The following RBM47 variants were observed in gnomAD, a reference collection of about 807,000 sequenced individuals.
The protein encoded by RBM47 is RNA-binding protein 47.
Under a neutral mutation model 47.1 loss-of-function variants are expected in RBM47, and 21 were observed. That is an observed-to-expected ratio of 0.45 (90% CI 0.32 to 0.64). RBM47 has a LOEUF of 0.64. Ranked by LOEUF, RBM47 falls within the 30% of genes least tolerant of loss-of-function variation. RBM47 has a pLI of 0.05. For synonymous variants in RBM47, 375 were observed against 361.7 expected, an observed-to-expected ratio of 1.04 and a Z score of -0.42; for missense variants, 708 against 870.9, an observed-to-expected ratio of 0.81 and a Z score of 2.35.
intron 2 of RBM47, among the ~76,000 whole-genome samples, chr4:40,474,371 C>G (rs778370688): frequency 1.7e-4 from 26 of 152,156 alleles, no homozygotes; most frequent in Non-Finnish European, 2.9e-4. Context: ...ACCTCCCCCA[C>G]AGAGTCATCC....
intron 3 of RBM47, among the ~76,000 whole-genome samples, chr4:40,452,760 G>A (rs1350137598): frequency 6.6e-6 from 1 of 150,560 alleles, no homozygotes; most frequent in Non-Finnish European, 1.5e-5. Flanking sequence ...TCTCTTCTTG[G>A]TTATCATAAA....
chr4:40,514,981 C>T (rs780093589), intron 2 of RBM47, among the ~76,000 whole-genome samples: 20 of 152,184 alleles, frequency 1.3e-4, no homozygotes, highest in Admixed American at 1.0e-3. Context: ...AATATGTAGA[C>T]GCAGTAGCAT....
intron 6 of RBM47, chr4:40,427,328 T>A: frequency 6.6e-6 from 1 of 152,176 alleles, no homozygotes; most frequent in East Asian, 1.9e-4. Flanking sequence ...AGTTTCCAAA[T>A]GAGGAAGAAG....
chr4:40,518,279 C>T (rs1344048393), intron 2 of RBM47, among the ~76,000 whole-genome samples: 2 of 140,596 alleles, frequency 1.4e-5, no homozygotes, highest in Non-Finnish European at 3.0e-5. Flanking sequence ...CGGGTTCAAG[C>T]AATTCTCCTG....
chr4:40,573,807 A>AAAGAAAGAAAAAGAAAGAAAG (rs148001440), intron 1 of RBM47, among the ~76,000 whole-genome samples: 1 of 136,662 alleles, frequency 7.3e-6, no homozygotes, highest in Non-Finnish European at 1.5e-5. Flanking sequence ...GAAAGAAAGA[A>AAAGAAAGAAAAAGAAAGAAAG]AAAGAAAGAA....
chr4:40,591,690 T>A (rs894039234), intron 1 of RBM47, among the ~76,000 whole-genome samples: 28 of 152,058 alleles, frequency 1.8e-4, no homozygotes, highest in Non-Finnish European at 2.9e-5. Flanking sequence ...CAAGACTTCA[T>A]CTCAAAAGGA....
chr4:40,531,372 G>A (rs1018149154), intron 2 of RBM47, among the ~76,000 whole-genome samples: 1 of 151,968 alleles, frequency 6.6e-6, no homozygotes, highest in Non-Finnish European at 1.5e-5. Context: ...GAGTAGCTGC[G>A]AAGGAGCTGA....
chr4:40,556,264 G>A (rs1350770688), intron 1 of RBM47, among the ~76,000 whole-genome samples: 1 of 151,938 alleles, frequency 6.6e-6, no homozygotes, highest in Non-Finnish European at 1.5e-5. Flanking sequence ...TCCATCTCCT[G>A]ACCTCAGGTG....
intron 1 of RBM47, among the ~76,000 whole-genome samples, chr4:40,601,098 T>A (rs913625981): frequency 6.6e-6 from 1 of 151,816 alleles, no homozygotes; most frequent in Non-Finnish European, 1.5e-5. Context: ...ACCGTAAGAA[T>A]TCAAGGCCAG....
intron 2 of RBM47, among the ~76,000 whole-genome samples, chr4:40,498,670 CA>C (rs910303039): frequency 0.19 from 11,734 of 62,730 alleles, 273 homozygotes; most frequent in East Asian, 0.26. Flanking sequence ...GACTCCATCT[CA>C]AAAAAAAAAA....
chr4:40,568,428 C>CAAAAAAAAAA (rs35434439), intron 1 of RBM47, among the ~76,000 whole-genome samples: 2 of 57,574 alleles, frequency 3.5e-5, no homozygotes, highest in Non-Finnish European at 6.7e-5. Flanking sequence ...AACCCTGTCT[C>CAAAAAAAAAA]AAAAAAAAAA....
At chr4:40,520,620 G>A (rs1182139271) in intron 2 of RBM47, among the ~76,000 whole-genome samples, 1 of 152,224 alleles carries the variant, frequency 6.6e-6, no homozygotes, top group Non-Finnish European at 1.5e-5. Flanking sequence ...TTAATCTGGA[G>A]CTTCTAAATC....
At chr4:40,596,242 G>C (rs1734742652) in intron 1 of RBM47, among the ~76,000 whole-genome samples, 1 of 152,242 alleles carries the variant, frequency 6.6e-6, no homozygotes, top group Admixed American at 6.5e-5. Context: ...GCTTAAAGCA[G>C]AGGAATAAGA....
chr4:40,426,057 T>TG lies in RBM47; in HGVS notation c.1628dup (p.Phe544IlefsTer73). On this transcript the variant is annotated frameshift_variant, in exon 7 of 7. Transcript: ENST00000295971. LOFTEE classifies it high-confidence loss of function. ...TCGTGGCTGTAGCTGGAGCAGCAAA[T>TG]GGCACGTAACTGGCCCCGTAGATCC... The TG allele has an allele frequency of 6.2e-7, 1 of 1,614,196 alleles. No individual in the cohort carries two copies. Among genetic ancestry groups the TG allele is most frequent in the Non-Finnish European group, 8.5e-7 (1 of 1,180,046 alleles).
At chr4:40,448,988 A>AGGG (rs1714986534) in intron 3 of RBM47, among the ~76,000 whole-genome samples, 1 of 152,222 alleles carries the variant, frequency 6.6e-6, no homozygotes, top group Admixed American at 6.5e-5. Flanking sequence ...ATTTGGCCTT[A>AGGG]CCCTGAGCAT....
At chr4:40,554,908 C>T (rs927076068) in intron 1 of RBM47, among the ~76,000 whole-genome samples, 17 of 152,030 alleles carry the variant, frequency 1.1e-4, no homozygotes, top group Admixed American at 7.9e-4. Flanking sequence ...ACTGCAGGCA[C>T]GCACCACAAC....
rs146911971 is a variant in RBM47 at position 40,432,667 on chromosome 4, G to A, written c.1526C>T (p.Thr509Met). The A allele has an allele frequency of 5.2e-5, 83 of 1,610,320 alleles. No homozygotes were observed. Among genetic ancestry groups the A allele is most frequent in the East Asian group, 2.2e-5 (1 of 44,870 alleles). ...AAAAVIPTVS[T>M]PPPFQGRPIT... The stretch of plus-strand genomic sequence containing the variant: ...GAACTCTACCTGGAAAGGTGGTGGC[G>A]TCGACACAGTGGGAATGACAGCGGC... Residue 509 changes from threonine to methionine, a missense_variant, in exon 6 of 7, where the codon ACG (threonine) becomes ATG (methionine). Thr to Met is a moderately conservative substitution (Grantham distance 81). Transcript: ENST00000295971.
At position 40,436,002 on chromosome 4, in the gene RBM47, C is replaced by CAA. The variant is rs11452583; in HGVS notation, c.1330+437_1330+438dup. Among the ~76,000 whole-genome samples the CAA allele has an allele frequency of 7.4e-3, 823 of 111,286 alleles. 9 individuals carry two copies. The highest frequency in any genetic ancestry group is 0.017 in the East Asian group (67 of 3,850). 73.0% of individuals were successfully genotyped at this position (111,286 alleles called of 152,430 possible). On this transcript the variant is annotated intron_variant, in intron 5 of 6. Coordinates refer to ENST00000295971, the MANE Select transcript of RBM47 (RefSeq NM_001098634.2). ...TGAAACCCCATCTCTACTAAAAATACAAAAAAAAAAAAAAAAAAAATTAGC... is the reference window on the plus strand; with the variant it reads ...TGAAACCCCATCTCTACTAAAAATACAAAAAAAAAAAAAAAAAAAAAATTAGC...
chr4:40,580,391 T>C (rs927739172), intron 1 of RBM47, among the ~76,000 whole-genome samples: 1 of 152,110 alleles, frequency 6.6e-6, no homozygotes, highest in Non-Finnish European at 1.5e-5. Context: ...AACTCTCTTC[T>C]TCCTGGGTCT....
Sources: allele counts gnomAD v4.1 joint callset (sites outside exome capture counted in the v4.1 genomes callset), GRCh38; gene constraint gnomAD v4.1.1; transcripts MANE v1.5; gene names NCBI Gene and HGNC (gene_info 2026-07-23, HGNC 2026-07-21).